The following PTPN2 variants were observed in gnomAD, a reference collection of about 807,000 sequenced individuals.
PTPN2 encodes the protein tyrosine-protein phosphatase non-receptor type 2.
Under a neutral mutation model 57.3 loss-of-function variants are expected in PTPN2, and 19 were observed. The observed-to-expected ratio is 0.33, with a 90% CI of 0.23 to 0.49. The LOEUF is 0.49. Among genes scored for constraint, PTPN2 ranks in the 20% least tolerant of loss-of-function variants. The pLI is 0.99. For synonymous variants in PTPN2, 153 were observed against 164.9 expected, an observed-to-expected ratio of 0.93 and a Z score of 0.55; for missense variants, 358 against 501.1, an observed-to-expected ratio of 0.71 and a Z score of 2.73.
intron 1 of PTPN2, among the ~76,000 whole-genome samples, chr18:12,860,560 G>A (rs928827349): frequency 3.3e-5 from 5 of 152,046 alleles, no homozygotes; most frequent in African/African-American, 1.2e-4. Flanking sequence ...TCGTACCACT[G>A]TACTCTAGCC....
intron 2 of PTPN2, among the ~76,000 whole-genome samples, chr18:12,847,573 T>C (rs562624098): frequency 6.6e-6 from 1 of 152,200 alleles, no homozygotes; most frequent in South Asian, 2.1e-4. Context: ...AATAAATTAT[T>C]AACATCATAA....
intron 3 of PTPN2, among the ~76,000 whole-genome samples, chr18:12,836,086 A>T (rs1435948719): frequency 2.0e-5 from 3 of 152,224 alleles, no homozygotes; most frequent in African/African-American, 7.2e-5. Context: ...AAAATCTCAA[A>T]TATTATGGTA....
intron 2 of PTPN2, 29 bp downstream of exon 2, chr18:12,859,135 C>G (rs2043700478): frequency 1.3e-6 from 2 of 1,570,276 alleles, no homozygotes; most frequent in Non-Finnish European, 8.7e-7. Flanking sequence ...CCAAAAAATA[C>G]ACATGCACAC....
chr18:12,847,852 G>A (rs1437399113), intron 2 of PTPN2, among the ~76,000 whole-genome samples: 2 of 149,960 alleles, frequency 1.3e-5, no homozygotes, highest in Non-Finnish European at 3.0e-5. Context: ...ACCCACCTCT[G>A]CCTCCTAAAG....
intron 6 of PTPN2, 71 bp downstream of exon 6, chr18:12,817,085 T>G: frequency 7.2e-7 from 1 of 1,397,270 alleles, no homozygotes; most frequent in Non-Finnish European, 1.0e-6. Flanking sequence ...TCAGAGTTTA[T>G]TCACTGCCAG....
chr18:12,803,320 G>T (rs1038927051), intron 7 of PTPN2, among the ~76,000 whole-genome samples: 8 of 152,068 alleles, frequency 5.3e-5, no homozygotes, highest in African/African-American at 1.9e-4. Context: ...AAGAGAGAAA[G>T]AAAGGAATAA....
chr18:12,790,114 T>C (rs1052902948), downstream of PTPN2, among the ~76,000 whole-genome samples: 2 of 152,062 alleles, frequency 1.3e-5, no homozygotes, highest in Non-Finnish European at 2.9e-5. Context: ...TTCTTTTTTT[T>C]TTAAGTAGAG....
intron 1 of PTPN2, among the ~76,000 whole-genome samples, chr18:12,872,983 G>C (rs2044320242): frequency 6.6e-6 from 1 of 152,218 alleles, no homozygotes; most frequent in Non-Finnish European, 1.5e-5. Context: ...CAATTTGGGA[G>C]GCCAAGGTGG....
intron 1 of PTPN2, among the ~76,000 whole-genome samples, chr18:12,869,288 C>G (rs1391396612): frequency 6.6e-6 from 1 of 152,182 alleles, no homozygotes; most frequent in Admixed American, 6.5e-5. Flanking sequence ...GTGATCCCCC[C>G]ACCTCAGCCT....
chr18:12,810,115 G>A (rs992183171), intron 7 of PTPN2, among the ~76,000 whole-genome samples: 4 of 152,214 alleles, frequency 2.6e-5, no homozygotes, highest in Admixed American at 6.5e-5. Context: ...CCGGGAGGCC[G>A]AGGTTGTAGT....
chr18:12,879,637 C>T (rs1039028052), intron 1 of PTPN2, among the ~76,000 whole-genome samples: 2 of 152,204 alleles, frequency 1.3e-5, no homozygotes, highest in Non-Finnish European at 2.9e-5. Context: ...AAGAAACCTC[C>T]TATTATCAAA....
At chr18:12,797,257 T>C (rs1001602325) in intron 8 of PTPN2, among the ~76,000 whole-genome samples, 12 of 152,136 alleles carry the variant, frequency 7.9e-5, no homozygotes, top group African/African-American at 2.9e-4. Flanking sequence ...AATTTAGATA[T>C]AATCTTTAAC....
At chr18:12,867,609 CT>C (rs907043183) in intron 1 of PTPN2, among the ~76,000 whole-genome samples, 20 of 148,588 alleles carry the variant, frequency 1.3e-4, no homozygotes, top group East Asian at 1.3e-3. Context: ...TTGAGTCTTC[CT>C]TGTCGCTTAA....
chr18:12,803,310 AAGAG>A (rs1391365973), intron 7 of PTPN2, among the ~76,000 whole-genome samples: 1 of 152,192 alleles, frequency 6.6e-6, no homozygotes, highest in African/African-American at 2.4e-5. Context: ...GGTAAACAAT[AAGAG>A]AGAAAGAAAG....
chr18:12,860,827 T>A (rs866639731), intron 1 of PTPN2, among the ~76,000 whole-genome samples: 52 of 152,276 alleles, frequency 3.4e-4, no homozygotes, highest in African/African-American at 1.1e-3. Context: ...AAGCTCTCAC[T>A]ACTGATGTAT....
intron 1 of PTPN2, among the ~76,000 whole-genome samples, chr18:12,878,917 C>G (rs1035736797): frequency 6.6e-6 from 1 of 152,156 alleles, no homozygotes; most frequent in Admixed American, 6.5e-5. Context: ...TTAGAAACAA[C>G]CCATAACATA....
At chr18:12,824,584 TCA>T (rs1279173602) in intron 5 of PTPN2, among the ~76,000 whole-genome samples, 4 of 152,216 alleles carry the variant, frequency 2.6e-5, no homozygotes, top group Non-Finnish European at 5.9e-5. Flanking sequence ...TTTCAAGCTA[TCA>T]CAGTTTCTAT....
intron 1 of PTPN2, among the ~76,000 whole-genome samples, chr18:12,867,318 CAATAAATAAATA>C (rs144118910): frequency 1.3e-5 from 2 of 150,888 alleles, no homozygotes; most frequent in African/African-American, 2.5e-5. Flanking sequence ...GAACCTGTCT[CAATAAATAAATA>C]AATAAATAAA....
downstream of PTPN2, among the ~76,000 whole-genome samples, chr18:12,789,341 C>T (rs2040922258): frequency 6.6e-6 from 1 of 152,196 alleles, no homozygotes; most frequent in Admixed American, 6.5e-5. Flanking sequence ...ATGAGTGGAA[C>T]AGGTCAACTC....
Sources: gnomAD v4.1 joint callset for allele counts (sites outside exome capture counted in the v4.1 genomes callset) on GRCh38, gnomAD v4.1.1 for gene constraint, MANE v1.5 for transcripts, NCBI Gene and HGNC (gene_info 2026-07-23, HGNC 2026-07-21) for gene names.